Variants in DYNC2LI1 observed in about 807,000 individuals in gnomAD.
DYNC2LI1 encodes dynein cytoplasmic 2 light intermediate chain 1, also known as cytoplasmic dynein 2 light intermediate chain 1.
In DYNC2LI1, 45 loss-of-function variants were observed where a neutral mutation model predicts 51.9. The ratio of observed to expected loss-of-function variants is 0.87; its 90% CI spans 0.68 to 1.11. The LOEUF is 1.11. Among genes scored for constraint, DYNC2LI1 ranks in the 50% most tolerant of loss-of-function variants. DYNC2LI1 has a pLI of 0.00. For synonymous variants in DYNC2LI1, 130 were observed against 137.8 expected (o/e 0.94, Z 0.40); for missense variants, 490 against 417.4 (o/e 1.17, Z -1.51).
At chr2:43,800,741 T>G (rs990054343) in intron 8 of DYNC2LI1, 100 bp from the exon 9 acceptor site, 7 of 581,038 alleles carry the variant, frequency 1.2e-5, no homozygotes, top group African/African-American at 1.9e-5. Context: ...AAAACAGTGA[T>G]TCTCTTTGTA....
intron 12 of DYNC2LI1, 98 bp downstream of exon 12, chr2:43,805,344 A>G: frequency 4.5e-6 from 3 of 666,006 alleles, no homozygotes; most frequent in Non-Finnish European, 7.8e-6. Context: ...GTATTTACTT[A>G]GAGTATCTTC....
intron 1 of DYNC2LI1, chr2:43,775,828 C>T (rs1454812824): frequency 4.5e-6 from 1 of 221,294 alleles, no homozygotes; most frequent in Non-Finnish European, 8.8e-6. Flanking sequence ...GCTGGAGTTA[C>T]AGACACCCGC....
intron 8 of DYNC2LI1, among the ~76,000 whole-genome samples, chr2:43,797,897 G>A (rs539227957): frequency 3.9e-5 from 6 of 152,262 alleles, no homozygotes; most frequent in South Asian, 2.1e-4. Flanking sequence ...AGGCTAAGGC[G>A]AGAGGATCAT....
chr2:43,801,864 G>A (rs145624566), intron 10 of DYNC2LI1, among the ~76,000 whole-genome samples, 155 bp downstream of exon 10: 48 of 152,152 alleles, frequency 3.2e-4, no homozygotes, highest in African/African-American at 1.1e-3. Flanking sequence ...CAGTATTAAT[G>A]TAACATGCAT....
At chr2:43,810,087 G>A (rs937683186), downstream of DYNC2LI1, 16 of 572,142 alleles carry the variant, frequency 2.8e-5, no homozygotes, top group Non-Finnish European at 3.4e-5. Context: ...AAAAGTAAGA[G>A]TATTTGGTTA....
chr2:43,781,388 G>A (rs745962208), intron 2 of DYNC2LI1, among the ~76,000 whole-genome samples: 3 of 151,372 alleles, frequency 2.0e-5, no homozygotes, highest in African/African-American at 2.4e-5. Flanking sequence ...CAAAAAAGGC[G>A]AGGGGGAGTG....
intron 2 of DYNC2LI1, among the ~76,000 whole-genome samples, chr2:43,781,119 C>G (rs1673258493): frequency 6.6e-6 from 1 of 152,128 alleles, no homozygotes; most frequent in South Asian, 2.1e-4. Context: ...GTAATCCCAG[C>G]ACTTTGGAAG....
At chr2:43,809,102 C>T (rs1666385157) in intron 12 of DYNC2LI1, among the ~76,000 whole-genome samples, 1 of 151,736 alleles carries the variant, frequency 6.6e-6, no homozygotes, top group Non-Finnish European at 1.5e-5. Context: ...GATCCTCCCA[C>T]CTCAGACTCC....
the DYNC2LI1 span, among the ~76,000 whole-genome samples, chr2:43,819,234 A>G: frequency 1.3e-5 from 2 of 152,098 alleles, no homozygotes; most frequent in East Asian, 3.8e-4. Context: ...GATCATTTTT[A>G]GCCTTTTAAA....
intron 8 of DYNC2LI1, among the ~76,000 whole-genome samples, chr2:43,797,680 T>G (rs1665928572): frequency 6.6e-6 from 1 of 151,810 alleles, no homozygotes; most frequent in Non-Finnish European, 1.5e-5. Context: ...CCACCACACC[T>G]GGCTAATTTT....
Position 43,795,259 on chromosome 2 carries a change from A to C in DYNC2LI1, c.507+616A>C, listed in dbSNP as rs572802928. ...GATGGCTCATGCTTGTAATCCCAGC[A>C]CTTTGGGTGGCCGAGGCGGGCGGAT... On this transcript the variant is annotated intron_variant, in intron 6 of 12. Coordinates refer to ENST00000260605, the MANE Select transcript of DYNC2LI1 (RefSeq NM_016008.4). 6 of 933,996 alleles carry C rather than the reference A, an allele frequency of 6.4e-6. No homozygotes were observed. In the East Asian group the frequency reaches 6.9e-4, roughly 108 times the overall value. The allele number at this position is 933,996 out of a possible 1,614,324, so 57.9% of individuals were successfully genotyped here.
chr2:43,795,494 C>G (rs1298024501), intron 6 of DYNC2LI1, among the ~76,000 whole-genome samples: 1 of 151,586 alleles, frequency 6.6e-6, no homozygotes, highest in African/African-American at 2.4e-5. Context: ...CAGAGGGAGA[C>G]TCTGCCTCAA....
the DYNC2LI1 span, chr2:43,823,817 A>T: frequency 7.0e-7 from 1 of 1,429,356 alleles, no homozygotes. Context: ...TAGCTCAGAG[A>T]AAAACCCTTA....
chr2:43,786,818 T>G (rs1298683642), intron 3 of DYNC2LI1, among the ~76,000 whole-genome samples: 1 of 151,818 alleles, frequency 6.6e-6, no homozygotes, highest in Non-Finnish European at 1.5e-5. Flanking sequence ...AAAGCAAGAC[T>G]CCATCTCAAA....
the DYNC2LI1 span, among the ~76,000 whole-genome samples, chr2:43,818,887 A>C: frequency 6.6e-6 from 1 of 152,140 alleles, no homozygotes; most frequent in Non-Finnish European, 1.5e-5. Context: ...TTTTTTATAA[A>C]TGAGGAAACT....
At chr2:43,776,220 G>A (rs183128513) in intron 1 of DYNC2LI1, among the ~76,000 whole-genome samples, 16 of 152,008 alleles carry the variant, frequency 1.1e-4, no homozygotes, top group Admixed American at 1.0e-3. Flanking sequence ...AGTAGTAGCA[G>A]TAGTAGAGAT....
At chr2:43,784,759 C>T (rs1159250460) in intron 3 of DYNC2LI1, among the ~76,000 whole-genome samples, 3 of 151,974 alleles carry the variant, frequency 2.0e-5, no homozygotes, top group African/African-American at 7.3e-5. Context: ...TTCAATTCCT[C>T]AATAGTCTAC....
chr2:43,815,396 A>C, the DYNC2LI1 span, among the ~76,000 whole-genome samples: 1 of 152,218 alleles, frequency 6.6e-6, no homozygotes, highest in South Asian at 2.1e-4. Context: ...GAGATATAGA[A>C]TATATCCTTA....
the DYNC2LI1 span, chr2:43,824,893 G>C: frequency 9.3e-6 from 15 of 1,613,828 alleles, no homozygotes; most frequent in East Asian, 1.3e-4. Context: ...ACTTACTATA[G>C]AAGTCAAAAG....
Sources: allele counts gnomAD v4.1 joint callset (sites outside exome capture counted in the v4.1 genomes callset), GRCh38; gene constraint gnomAD v4.1.1; transcripts MANE v1.5; gene names NCBI Gene and HGNC (gene_info 2026-07-23, HGNC 2026-07-21).